The following MND1 variants were observed in gnomAD, a reference collection of about 807,000 sequenced individuals.
MND1 encodes the protein meiotic nuclear division protein 1 homolog.
Under a neutral mutation model 35.1 loss-of-function variants are expected in MND1, and 28 were observed. The observed-to-expected ratio is 0.80, with a 90% CI of 0.59 to 1.09. MND1 has a LOEUF of 1.09. Among genes scored for constraint, MND1 ranks in the 50% least tolerant of loss-of-function variants. The pLI is 0.00. For missense variants in MND1, 213 were observed against 239.6 expected (o/e 0.89, Z 0.73); for synonymous variants, 69 against 70.5 (o/e 0.98, Z 0.11).
intron 4 of MND1, among the ~76,000 whole-genome samples, chr4:153,384,837 C>T (rs1728809600): frequency 6.6e-6 from 1 of 152,116 alleles, no homozygotes. Flanking sequence ...TTCTGGACTA[C>T]ATTTCTTATT....
At chr4:153,354,110 G>T (rs1351997567) in intron 2 of MND1, among the ~76,000 whole-genome samples, 2 of 151,718 alleles carry the variant, frequency 1.3e-5, no homozygotes, top group African/African-American at 4.8e-5. Context: ...TTCAACCAAG[G>T]CTTATTAGCA....
chr4:153,406,893 A>G (rs1435948948), intron 6 of MND1, among the ~76,000 whole-genome samples: 1 of 152,214 alleles, frequency 6.6e-6, no homozygotes, highest in Admixed American at 6.5e-5. Context: ...AAACCTCACA[A>G]TCATGGTGGA....
chr4:153,368,260 ACCT>A (rs770666795), intron 4 of MND1, among the ~76,000 whole-genome samples: 24 of 151,804 alleles, frequency 1.6e-4, no homozygotes, highest in African/African-American at 5.8e-4. Context: ...CCTCTCAGAA[ACCT>A]CCTCAAGCTC....
intron 1 of MND1, 128 bp downstream of exon 1, chr4:153,344,868 C>T: frequency 6.8e-7 from 1 of 1,463,682 alleles, no homozygotes; most frequent in Non-Finnish European, 9.2e-7. Context: ...GGTCGCCCGG[C>T]TCTCGGCCTC....
At chr4:153,403,710 C>T (rs747857806) in intron 6 of MND1, among the ~76,000 whole-genome samples, 2 of 152,072 alleles carry the variant, frequency 1.3e-5, no homozygotes, top group African/African-American at 4.8e-5. Context: ...AAGTGATTCT[C>T]GTGCCTCAGC....
chr4:153,358,347 T>C, intron 3 of MND1, 127 bp from the exon 4 acceptor site: 1 of 729,854 alleles, frequency 1.4e-6, no homozygotes, highest in South Asian at 2.8e-5. Context: ...GTTGTTATTT[T>C]TAAGAGCTTA....
chr4:153,357,513 A>G (rs1247170859), intron 3 of MND1, among the ~76,000 whole-genome samples: 3 of 152,198 alleles, frequency 2.0e-5, no homozygotes, highest in Admixed American at 2.0e-4. Context: ...GCAGTGGATC[A>G]TCATAAAGTT....
At chr4:153,400,022 T>C (rs1473880138) in intron 6 of MND1, among the ~76,000 whole-genome samples, 1 of 148,984 alleles carries the variant, frequency 6.7e-6, no homozygotes, top group Non-Finnish European at 1.5e-5. Context: ...CCACCTCAGC[T>C]TCCCAAATAG....
intron 2 of MND1, among the ~76,000 whole-genome samples, chr4:153,351,165 A>G (rs1333949001): frequency 6.6e-6 from 1 of 152,174 alleles, no homozygotes; most frequent in East Asian, 1.9e-4. Flanking sequence ...AAGAAAAGTA[A>G]GTTTAATTCC....
intron 4 of MND1, among the ~76,000 whole-genome samples, chr4:153,377,261 CAG>C (rs1325063419): frequency 6.6e-6 from 1 of 152,174 alleles, no homozygotes; most frequent in Admixed American, 6.6e-5. Flanking sequence ...AGGACACTAA[CAG>C]ATATTCTTAG....
chr4:153,351,496 T>A (rs1773216826), intron 2 of MND1, among the ~76,000 whole-genome samples: 1 of 152,174 alleles, frequency 6.6e-6, no homozygotes, highest in African/African-American at 2.4e-5. Flanking sequence ...GTATAAGAGA[T>A]TTGGGAAAAG....
intron 5 of MND1, among the ~76,000 whole-genome samples, chr4:153,396,503 A>G (rs1342190531): frequency 3.3e-5 from 5 of 152,258 alleles, no homozygotes; most frequent in East Asian, 3.8e-4. Context: ...GATTTATCCT[A>G]TGATTCTGTA....
intron 4 of MND1, among the ~76,000 whole-genome samples, chr4:153,363,245 C>T (rs1258341500): frequency 6.8e-6 from 1 of 147,700 alleles, no homozygotes; most frequent in Non-Finnish European, 1.5e-5. Context: ...GAGTTTCGCT[C>T]TTGTCACCCA....
At chr4:153,399,740 GCTGT>G (rs1166713247) in intron 6 of MND1, among the ~76,000 whole-genome samples, 1 of 152,048 alleles carries the variant, frequency 6.6e-6, no homozygotes, top group Non-Finnish European at 1.5e-5. Flanking sequence ...CCTGCATTCT[GCTGT>G]CTATCTTAAC....
At position 153,344,694 on chromosome 4, in the gene MND1, C is replaced by T. The variant is rs1332131564; in HGVS notation, c.-44C>T. 2.6e-6 allele frequency: 4 copies of T among 1,563,026 alleles called. No homozygotes were observed. The highest frequency in any genetic ancestry group is 4.8e-5 in the East Asian group (2 of 41,778). On this transcript the variant is annotated 5_prime_UTR_variant, in exon 1 of 8. Transcript: ENST00000240488. ...GCGTCCTGGCCTGTCCCGCCCCTCTCCCCAAGCGCGGGCCCGGCCAGCGGA... is the reference window on the plus strand; with the variant it reads ...GCGTCCTGGCCTGTCCCGCCCCTCTTCCCAAGCGCGGGCCCGGCCAGCGGA...
chr4:153,358,395 A>G, intron 3 of MND1, 79 bp from the exon 4 acceptor site: 1 of 1,243,576 alleles, frequency 8.0e-7, no homozygotes, highest in Non-Finnish European at 1.1e-6. Context: ...ATGTTTTGCA[A>G]GTGTTTCCCC....
At chr4:153,400,273 A>C (rs890060511) in intron 6 of MND1, among the ~76,000 whole-genome samples, 6 of 152,168 alleles carry the variant, frequency 3.9e-5, no homozygotes, top group African/African-American at 1.4e-4. Flanking sequence ...AACCATGTAA[A>C]GATGGATCCT....
At chr4:153,386,048 G>A (rs556208024) in intron 4 of MND1, among the ~76,000 whole-genome samples, 70 of 152,302 alleles carry the variant, frequency 4.6e-4, no homozygotes, top group South Asian at 2.7e-3. Flanking sequence ...ACCATCTTGC[G>A]TGGGATTTTG....
chr4:153,355,921 A>G (rs1561055943), intron 3 of MND1: 3 of 437,572 alleles, frequency 6.9e-6, no homozygotes, highest in Non-Finnish European at 8.2e-6. Flanking sequence ...TGTATATTAC[A>G]TTTTGAATAT....
Sources: allele counts gnomAD v4.1 joint callset (sites outside exome capture counted in the v4.1 genomes callset), GRCh38; gene constraint gnomAD v4.1.1; transcripts MANE v1.5; gene names NCBI Gene and HGNC (gene_info 2026-07-23, HGNC 2026-07-21).